CPA6: variants seen among roughly 807,000 people sequenced by gnomAD.
CPA6 encodes the protein carboxypeptidase A6, also known as carboxypeptidase B.
A neutral mutation model predicts 63.3 loss-of-function variants in CPA6; 58 were observed. The observed-to-expected ratio is 0.92, with a 90% CI of 0.74 to 1.14. The LOEUF (loss-of-function observed/expected upper bound fraction) is 1.14, where lower values mean the gene tolerates loss of function less well. Ranked by LOEUF, CPA6 falls within the 50% of genes most tolerant of loss-of-function variation. The pLI is 0.00. For synonymous variants in CPA6, 185 were observed against 179.0 expected (o/e 1.03, Z -0.27); for missense variants, 565 against 526.6 (o/e 1.07, Z -0.71).
chr8:67,548,268 T>C lies in CPA6; in HGVS notation c.193-30221A>G, dbSNP rs1196677888. Among the ~76,000 whole-genome samples, 9 of 147,352 alleles carry C rather than the reference T, an allele frequency of 6.1e-5. No homozygotes were observed. The East Asian group carries it at 1.8e-3, about 30-fold the overall frequency. The stretch of plus-strand genomic sequence containing the variant: ...TCTTTTCTTTTCTTTTTTTTTTTTC[T>C]TGAGACAGAGTCTGACTCTATTGCC... On this transcript the variant is annotated intron_variant, in intron 2 of 10. Coordinates refer to ENST00000297770, the MANE Select transcript of CPA6 (RefSeq NM_020361.5).
At chr8:67,701,528 G>A (rs140392315) in intron 1 of CPA6, among the ~76,000 whole-genome samples, 13 of 152,238 alleles carry the variant, frequency 8.5e-5, no homozygotes, top group African/African-American at 2.2e-4. Context: ...GTACACAACC[G>A]TCCCACATGA....
chr8:67,602,441 T>C lies in CPA6; in HGVS notation c.192+21735A>G, dbSNP rs779668751. On this transcript the variant is annotated intron_variant, in intron 2 of 10. Transcript: ENST00000297770. The stretch of plus-strand genomic sequence containing the variant: ...TGTTACCTATTCAAAAATAAATACG[T>C]CCAACTTTTTATAAGTCCATTTGAG... 3.3e-4 allele frequency among the ~76,000 whole-genome samples: 50 copies of C among 152,296 alleles called. 1 individual carries two copies. The highest frequency in any genetic ancestry group is 1.5e-4 in the Non-Finnish European group (10 of 68,014).
At chr8:67,469,332 A>C (rs1811004186) in intron 8 of CPA6, among the ~76,000 whole-genome samples, 1 of 152,186 alleles carries the variant, frequency 6.6e-6, no homozygotes, top group African/African-American at 2.4e-5. Flanking sequence ...GAGGCTGGGC[A>C]TGGTTGCTCA....
At chr8:67,556,172 G>C (rs888377973) in intron 2 of CPA6, among the ~76,000 whole-genome samples, 15 of 152,196 alleles carry the variant, frequency 9.9e-5, no homozygotes, top group African/African-American at 3.6e-4. Flanking sequence ...TATTAGTTAA[G>C]GTTCAGGTGA....
intron 2 of CPA6, among the ~76,000 whole-genome samples, chr8:67,591,599 C>T (rs1814127171): frequency 6.6e-6 from 1 of 152,104 alleles, no homozygotes; most frequent in Non-Finnish European, 1.5e-5. Context: ...AGAGGTCCTT[C>T]ATGTCCCTTG....
chr8:67,545,430 CCT>C (rs1052638722), intron 2 of CPA6, among the ~76,000 whole-genome samples: 1 of 152,114 alleles, frequency 6.6e-6, no homozygotes, highest in African/African-American at 2.4e-5. Flanking sequence ...CTGAAATGTC[CCT>C]CACCTTCAGC....
rs561313512 is a variant in CPA6, at chr8:67,466,084, G to GTT, written c.838+17682_838+17683dup. On this transcript the variant is annotated intron_variant, in intron 8 of 10. Coordinates refer to ENST00000297770, the MANE Select transcript of CPA6 (RefSeq NM_020361.5). ...TGTGGATTCATCTGGTCTGAGGCTT[G>GTT]TTTTTTTTTTTTTTTTTTTGGTAGG... Among the ~76,000 whole-genome samples the GTT allele has an allele frequency of 5.5e-3, 530 of 96,060 alleles. 14 individuals carry two copies. Among genetic ancestry groups the GTT allele is most frequent in the South Asian group, 0.011 (30 of 2,778 alleles). 63.0% of individuals were successfully genotyped at this position (96,060 alleles called of 152,430 possible). A position where few individuals can be genotyped will look rare whatever the true frequency, so the allele number is the denominator to read the frequency against.
rs1814870779 is a variant in CPA6, at chr8:67,613,798, C to T, written c.192+10378G>A. ...GCCCAAAAAGTTGCCTTTTGGCCTG[C>T]TATGCCCCCTATCCTGCACCCATAT... On this transcript the variant is annotated intron_variant, in intron 2 of 10. Transcript: ENST00000297770. Among the ~76,000 whole-genome samples the T allele has an allele frequency of 2.0e-5, 3 of 152,244 alleles. 1 individual carries two copies. In the South Asian group the frequency reaches 6.2e-4, roughly 32 times the overall value.
At chr8:67,522,293 A>T (rs1812274571) in intron 2 of CPA6, among the ~76,000 whole-genome samples, 1 of 152,086 alleles carries the variant, frequency 6.6e-6, no homozygotes. Context: ...ACAGTGGGCT[A>T]CCCACTTCAG....
intron 1 of CPA6, among the ~76,000 whole-genome samples, chr8:67,718,371 A>T (rs908290675): frequency 6.6e-6 from 1 of 152,214 alleles, no homozygotes; most frequent in African/African-American, 2.4e-5. Flanking sequence ...GATAAGGGTC[A>T]GGAGGACAGA....
intron 2 of CPA6, among the ~76,000 whole-genome samples, chr8:67,592,974 T>G (rs9694208): frequency 0.17 from 24,887 of 146,342 alleles, 2,794 homozygotes; most frequent in African/African-American, 0.31. Context: ...TAATTGTGAT[T>G]TTAGGGTGTC....
chr8:67,557,847 C>A (rs947822080), intron 2 of CPA6, among the ~76,000 whole-genome samples: 4 of 152,118 alleles, frequency 2.6e-5, no homozygotes, highest in African/African-American at 9.7e-5. Context: ...AGTTACTGAG[C>A]CTTGGGGTAC....
intron 2 of CPA6, among the ~76,000 whole-genome samples, chr8:67,518,573 C>T (rs1380196003): frequency 6.9e-6 from 1 of 145,484 alleles, no homozygotes. Flanking sequence ...GTGGCGTGAT[C>T]TCAGTTCCCT....
intron 2 of CPA6, among the ~76,000 whole-genome samples, chr8:67,552,643 C>G (rs993852882): frequency 5.9e-5 from 9 of 151,428 alleles, no homozygotes; most frequent in Non-Finnish European, 7.4e-5. Flanking sequence ...CGTGGTGGCA[C>G]GTGCCTGTAG....
intron 8 of CPA6, among the ~76,000 whole-genome samples, chr8:67,439,767 A>G (rs1810248221): frequency 6.6e-6 from 1 of 152,146 alleles, no homozygotes; most frequent in Non-Finnish European, 1.5e-5. Flanking sequence ...TTTATTTTTT[A>G]TCTTGAATCC....
chr8:67,561,560 A>T (rs975282780), intron 2 of CPA6, among the ~76,000 whole-genome samples: 1 of 152,218 alleles, frequency 6.6e-6, no homozygotes, highest in Non-Finnish European at 1.5e-5. Context: ...TATCAAGGTC[A>T]TGAAAGTCAA....
intron 6 of CPA6, among the ~76,000 whole-genome samples, chr8:67,500,905 C>T (rs1811818355): frequency 6.6e-6 from 1 of 151,230 alleles, no homozygotes; most frequent in Non-Finnish European, 1.5e-5. Context: ...GGTTTCTATT[C>T]TGGTCCATTT....
intron 1 of CPA6, among the ~76,000 whole-genome samples, chr8:67,732,020 G>C (rs2129003081): frequency 6.6e-6 from 1 of 152,232 alleles, no homozygotes; most frequent in African/African-American, 2.4e-5. Context: ...TTGACCAGCT[G>C]GTGCCCATTC....
At chr8:67,501,145 A>G (rs1232524659) in intron 6 of CPA6, among the ~76,000 whole-genome samples, 1 of 152,142 alleles carries the variant, frequency 6.6e-6, no homozygotes, top group East Asian at 1.9e-4. Context: ...AAATCTCTAT[A>G]TCAATTTGAG....
Sources: allele counts gnomAD v4.1 joint callset (sites outside exome capture counted in the v4.1 genomes callset), GRCh38; gene constraint gnomAD v4.1.1; transcripts MANE v1.5; gene names NCBI Gene and HGNC (gene_info 2026-07-23, HGNC 2026-07-21).